The following SLC14A2 variants were observed in gnomAD, a reference collection of about 807,000 sequenced individuals.
SLC14A2 encodes solute carrier family 14 member 2.
In SLC14A2, 91 loss-of-function variants were observed where a neutral mutation model predicts 104.6. The ratio of observed to expected loss-of-function variants is 0.87; its 90% CI spans 0.73 to 1.04. SLC14A2 has a LOEUF of 1.04. Ranked by LOEUF, SLC14A2 falls within the 50% of genes least tolerant of loss-of-function variation. SLC14A2 has a pLI of 0.00. For missense variants in SLC14A2, 1,189 were observed against 1,156.0 expected, an observed-to-expected ratio of 1.03 and a Z score of -0.41; for synonymous variants, 476 against 466.4, an observed-to-expected ratio of 1.02 and a Z score of -0.27.
intron 1 of SLC14A2, among the ~76,000 whole-genome samples, chr18:45,287,138 C>A (rs1204172412): frequency 2.0e-5 from 3 of 152,204 alleles, no homozygotes; most frequent in Admixed American, 6.5e-5. Context: ...CCTAAATAGC[C>A]TCTGGAAGGT....
chr18:45,309,162 C>T (rs1020532733), intron 1 of SLC14A2, among the ~76,000 whole-genome samples: 5 of 152,148 alleles, frequency 3.3e-5, no homozygotes, highest in African/African-American at 1.2e-4. Flanking sequence ...GTATAAGGGG[C>T]TTCACATGGT....
chr18:45,545,117 G>T (rs140382680), intron 2 of SLC14A2, among the ~76,000 whole-genome samples: 8 of 152,146 alleles, frequency 5.3e-5, no homozygotes, highest in African/African-American at 1.9e-4. Context: ...TAATGGTTAC[G>T]TGATAATTTG....
At chr18:45,218,120 G>C (rs73956317) in intron 1 of SLC14A2, among the ~76,000 whole-genome samples, 1 of 152,102 alleles carries the variant, frequency 6.6e-6, no homozygotes, top group Non-Finnish European at 1.5e-5. Context: ...GCCCATCTAC[G>C]TCCAGAACTT....
At chr18:45,594,706 C>G (rs970895234) in intron 2 of SLC14A2, among the ~76,000 whole-genome samples, 1 of 152,142 alleles carries the variant, frequency 6.6e-6, no homozygotes, top group East Asian at 1.9e-4. Flanking sequence ...TATTTTCTAG[C>G]CTGATAGATG....
At chr18:45,262,626 C>T (rs967674851) in intron 1 of SLC14A2, among the ~76,000 whole-genome samples, 10 of 152,094 alleles carry the variant, frequency 6.6e-5, no homozygotes, top group South Asian at 2.1e-4. Flanking sequence ...AGCTAGAACC[C>T]GATAAAAATA....
chr18:45,516,191 T>G (rs1037041869), intron 2 of SLC14A2, among the ~76,000 whole-genome samples: 3 of 152,196 alleles, frequency 2.0e-5, no homozygotes, highest in Non-Finnish European at 4.4e-5. Context: ...AGTTTTTCCT[T>G]TATTTCCTTT....
intron 1 of SLC14A2, among the ~76,000 whole-genome samples, chr18:45,430,433 A>G (rs911731440): frequency 1.3e-5 from 2 of 152,232 alleles, no homozygotes; most frequent in Non-Finnish European, 2.9e-5. Context: ...CACAAGGGAA[A>G]TGAGAGGGAT....
At chr18:45,220,365 T>C (rs2084049713) in intron 1 of SLC14A2, among the ~76,000 whole-genome samples, 1 of 152,186 alleles carries the variant, frequency 6.6e-6, no homozygotes, top group Admixed American at 6.5e-5. Flanking sequence ...ATCAGGCCCT[T>C]ACTACGCACA....
chr18:45,211,960 C>T (rs2083965256), upstream of SLC14A2, among the ~76,000 whole-genome samples: 1 of 152,118 alleles, frequency 6.6e-6, no homozygotes, highest in Non-Finnish European at 1.5e-5. Context: ...TAGTGAATGG[C>T]TTCATTTAGG....
At chr18:45,481,401 G>A (rs1224892990) in intron 1 of SLC14A2, among the ~76,000 whole-genome samples, 5 of 152,026 alleles carry the variant, frequency 3.3e-5, no homozygotes, top group East Asian at 3.9e-4. Flanking sequence ...TGAAAGTGCC[G>A]CAAATTACTG....
chr18:45,314,808 A>C (rs1212768726), intron 1 of SLC14A2, among the ~76,000 whole-genome samples: 1 of 152,224 alleles, frequency 6.6e-6, no homozygotes, highest in East Asian at 1.9e-4. Context: ...AGCAACCACA[A>C]GCTAAGGAGC....
At chr18:45,531,967 C>T (rs866887195) in intron 2 of SLC14A2, among the ~76,000 whole-genome samples, 2 of 152,256 alleles carry the variant, frequency 1.3e-5, no homozygotes, top group South Asian at 4.2e-4. Context: ...AATCCTTTCC[C>T]CATTTCTTCT....
At chr18:45,181,640 T>C in the SLC14A2 span, among the ~76,000 whole-genome samples, 1 of 152,144 alleles carries the variant, frequency 6.6e-6, no homozygotes, top group African/African-American at 2.4e-5. Flanking sequence ...AATATTAATT[T>C]CAGATAAACT....
chr18:45,427,334 C>G (rs751568445), intron 1 of SLC14A2, among the ~76,000 whole-genome samples: 1 of 152,108 alleles, frequency 6.6e-6, no homozygotes, highest in Non-Finnish European at 1.5e-5. Context: ...CCCAAGGCCT[C>G]CCCACCTGGT....
chr18:45,175,687 C>T, the SLC14A2 span, among the ~76,000 whole-genome samples: 10 of 152,202 alleles, frequency 6.6e-5, no homozygotes, highest in South Asian at 8.3e-4. Flanking sequence ...TTCGCTGAGA[C>T]GGGTTACAAC....
At chr18:45,478,824 A>T (rs2087436558) in intron 1 of SLC14A2, among the ~76,000 whole-genome samples, 2 of 152,134 alleles carry the variant, frequency 1.3e-5, no homozygotes, top group Non-Finnish European at 2.9e-5. Context: ...TTAAAGTGGA[A>T]CCTATCTTCT....
intron 2 of SLC14A2, among the ~76,000 whole-genome samples, chr18:45,582,517 T>C (rs1451791421): frequency 6.6e-6 from 1 of 152,162 alleles, no homozygotes; most frequent in East Asian, 1.9e-4. Flanking sequence ...GTTTATTTTA[T>C]GAGAAATACC....
chr18:45,304,637 ATTC>A lies in SLC14A2; in HGVS notation c.-125+91449_-125+91451del, dbSNP rs760388499. Reference sequence around the variant, plus strand: ...TCTGTGTATTGGGAAGGGAGTGATCATTCTTTAAGCAATGAATAGAATATCTAT... The same window carrying A: ...TCTGTGTATTGGGAAGGGAGTGATCATTTAAGCAATGAATAGAATATCTAT... On this transcript the variant is annotated intron_variant, in intron 1 of 20. Coordinates refer to the SLC14A2 transcript ENST00000586448. 1.7e-3 allele frequency among the ~76,000 whole-genome samples: 257 copies of A among 152,348 alleles called. 1 individual carries two copies. Among genetic ancestry groups the A allele is most frequent in the Middle Eastern group, 6.8e-3 (2 of 294 alleles).
chr18:45,411,550 G>A (rs1468961), intron 1 of SLC14A2, among the ~76,000 whole-genome samples: 85,089 of 151,938 alleles, frequency 0.56, 23,876 homozygotes, highest in Admixed American at 0.62. Context: ...AGTGCAAACC[G>A]TGCCATCTCT....
Sources: allele counts gnomAD v4.1 joint callset (sites outside exome capture counted in the v4.1 genomes callset), GRCh38; gene constraint gnomAD v4.1.1; transcripts MANE v1.5; gene names NCBI Gene and HGNC (gene_info 2026-07-23, HGNC 2026-07-21).